Variants in SMIM31 observed in about 807,000 individuals in gnomAD.
SMIM31 encodes human epithelial cell program regulator.
intron 1 of SMIM31, among the ~76,000 whole-genome samples, chr4:164,763,302 A>C (rs1305810703): frequency 6.6e-6 from 1 of 152,190 alleles, no homozygotes; most frequent in Non-Finnish European, 1.5e-5. Flanking sequence ...TCAACATGTT[A>C]TATTATCTAT....
In SMIM31 at chr4:164,763,795, C is replaced by G. The variant is rs1478826865; in HGVS notation, c.-25-6624C>G. The stretch of plus-strand genomic sequence containing the variant: ...AAGGCATAGAATACCTGCTTATTAA[C>G]CTAGTGGGTGTGTGTATATATGAAA... On this transcript the variant is annotated intron_variant, in intron 1 of 2. Coordinates refer to ENST00000507311, the MANE Select transcript of SMIM31 (RefSeq NM_001352885.1). Among the ~76,000 whole-genome samples the G allele has an allele frequency of 2.6e-5, 4 of 152,292 alleles. No individual in the cohort carries two copies. The East Asian group carries it at 7.7e-4, about 29-fold the overall frequency.
intron 2 of SMIM31, among the ~76,000 whole-genome samples, chr4:164,776,096 G>A (rs766751538): frequency 4.6e-5 from 7 of 152,018 alleles, no homozygotes; most frequent in Admixed American, 2.6e-4. Context: ...AGTAGAAAAT[G>A]TCCACCTGTC....
rs1018058431 is a variant in SMIM31 at position 164,801,211 on chromosome 4, ATT to A, written c.*19_*20del. On this transcript the variant is annotated 3_prime_UTR_variant, in exon 3 of 3. Coordinates refer to ENST00000507311, the MANE Select transcript of SMIM31 (RefSeq NM_001352885.1). ...GAGCTATGATCTCATAGCCACCGATATTTCTCGCTAAGAAGACAGAGGAAGCA... is the reference window on the plus strand; with the variant it reads ...GAGCTATGATCTCATAGCCACCGATATCTCGCTAAGAAGACAGAGGAAGCA... 1 of 398,826 alleles carries A rather than the reference ATT, an allele frequency of 2.5e-6. No individual in the cohort carries two copies. Among genetic ancestry groups the A allele is most frequent in the Non-Finnish European group, 4.4e-6 (1 of 226,016 alleles). The allele number at this position is 398,826 out of a possible 1,614,324, so 24.7% of individuals were successfully genotyped here.
intron 2 of SMIM31, among the ~76,000 whole-genome samples, chr4:164,799,869 T>C (rs952634210): frequency 5.3e-5 from 8 of 152,210 alleles, no homozygotes; most frequent in Non-Finnish European, 8.8e-5. Flanking sequence ...GAATGAATGA[T>C]TGAAGATAAG....
intron 2 of SMIM31, among the ~76,000 whole-genome samples, chr4:164,791,446 C>A (rs766326775): frequency 1.1e-4 from 16 of 152,146 alleles, no homozygotes; most frequent in Non-Finnish European, 2.2e-4. Context: ...CATCCTCCCA[C>A]CTCAGCATCC....
rs563043825 is a variant in SMIM31, at chr4:164,765,729, G to A, written c.-25-4690G>A. On this transcript the variant is annotated intron_variant, in intron 1 of 2. Transcript: ENST00000507311. ...TTTCCACAAGGCCTTTGAAGGCAAG[G>A]GGGGAGTGGGCACTGCAGTATCTCA... 7.2e-5 allele frequency among the ~76,000 whole-genome samples: 11 copies of A among 152,178 alleles called. No homozygotes were observed. In the South Asian group the frequency reaches 1.9e-3, roughly 26 times the overall value.
intron 2 of SMIM31, among the ~76,000 whole-genome samples, chr4:164,788,472 A>ATTTTTATTTTTTTTTTTT (rs1187569698): frequency 1.7e-5 from 1 of 60,518 alleles, no homozygotes; most frequent in Non-Finnish European, 3.6e-5. Context: ...CTTTCTTCTA[A>ATTTTTATTTTTTTTTTTT]TTTTTCTTTT....
intron 2 of SMIM31, among the ~76,000 whole-genome samples, chr4:164,788,484 T>G (rs975314310): frequency 9.3e-6 from 1 of 107,200 alleles, no homozygotes; most frequent in East Asian, 2.6e-4. Context: ...TTTTCTTTTT[T>G]TTTTTTTTTT....
At chr4:164,797,261 C>T (rs2110965185) in intron 2 of SMIM31, among the ~76,000 whole-genome samples, 1 of 152,178 alleles carries the variant, frequency 6.6e-6, no homozygotes, top group Non-Finnish European at 1.5e-5. Context: ...ACATGCCATA[C>T]ATTTTCTTCT....
At chr4:164,778,161 G>A (rs1560827950) in intron 2 of SMIM31, among the ~76,000 whole-genome samples, 1 of 152,198 alleles carries the variant, frequency 6.6e-6, no homozygotes, top group Non-Finnish European at 1.5e-5. Flanking sequence ...GCCAAGGCAG[G>A]AGGATGGCTT....
chr4:164,755,369 A>G (rs1732544282), intron 1 of SMIM31, among the ~76,000 whole-genome samples: 1 of 150,208 alleles, frequency 6.7e-6, no homozygotes, highest in Non-Finnish European at 1.5e-5. Context: ...AATCCCAGCT[A>G]CTCGGGAGGC....
intron 2 of SMIM31, among the ~76,000 whole-genome samples, chr4:164,782,303 T>C (rs568035402): frequency 4.5e-4 from 68 of 151,052 alleles, no homozygotes; most frequent in African/African-American, 1.7e-3. Context: ...AAAAAAAAAG[T>C]GAATTTTACC....
At chr4:164,787,136 T>G (rs1279383880) in intron 2 of SMIM31, among the ~76,000 whole-genome samples, 1 of 152,238 alleles carries the variant, frequency 6.6e-6, no homozygotes, top group Non-Finnish European at 1.5e-5. Context: ...CTCCGAGTTT[T>G]TATTAAATAA....
At chr4:164,780,663 TATA>T (rs1360405003) in intron 2 of SMIM31, among the ~76,000 whole-genome samples, 1 of 152,368 alleles carries the variant, frequency 6.6e-6, no homozygotes, top group East Asian at 1.9e-4. Flanking sequence ...ACACTGTTTT[TATA>T]ATACTATTTT....
chr4:164,787,703 C>T (rs1039331129), intron 2 of SMIM31, among the ~76,000 whole-genome samples: 2 of 152,054 alleles, frequency 1.3e-5, no homozygotes, highest in Non-Finnish European at 2.9e-5. Flanking sequence ...GCCTCCAAAT[C>T]CCTACCTCTT....
At chr4:164,791,661 T>C (rs1246131223) in intron 2 of SMIM31, among the ~76,000 whole-genome samples, 1 of 152,218 alleles carries the variant, frequency 6.6e-6, no homozygotes, top group Admixed American at 6.5e-5. Flanking sequence ...GCAATGGTTC[T>C]CAGACATTTT....
chr4:164,786,200 A>G (rs1733023729), intron 2 of SMIM31, among the ~76,000 whole-genome samples: 1 of 152,210 alleles, frequency 6.6e-6, no homozygotes, highest in Non-Finnish European at 1.5e-5. Flanking sequence ...CTAAGGATGG[A>G]TGTTTGTTAT....
chr4:164,765,667 G>A (rs1222648836), intron 1 of SMIM31, among the ~76,000 whole-genome samples: 1 of 148,822 alleles, frequency 6.7e-6, no homozygotes, highest in African/African-American at 2.5e-5. Context: ...GGAAGCAACA[G>A]AAGTGGCATG....
intron 2 of SMIM31, among the ~76,000 whole-genome samples, chr4:164,779,940 C>T (rs1045892438): frequency 3.3e-5 from 5 of 152,108 alleles, no homozygotes; most frequent in African/African-American, 4.8e-5. Context: ...AGCCAGTAGA[C>T]GGCAATGTTT....
Sources: gnomAD v4.1 joint callset for allele counts (sites outside exome capture counted in the v4.1 genomes callset) on GRCh38, gnomAD v4.1.1 for gene constraint, MANE v1.5 for transcripts, NCBI Gene and HGNC (gene_info 2026-07-23, HGNC 2026-07-21) for gene names.